Variants in CDC42SE2 observed in about 807,000 individuals in gnomAD.
The protein encoded by CDC42SE2 is CDC42 small effector protein 2.
Under a neutral mutation model 11.5 loss-of-function variants are expected in CDC42SE2, and 3 were observed. The ratio of observed to expected loss-of-function variants is 0.26; its 90% CI spans 0.12 to 0.67. CDC42SE2 has a LOEUF of 0.67. CDC42SE2 is among the 30% of genes least tolerant of loss of function. CDC42SE2 has a pLI of 0.80. For missense variants in CDC42SE2, 82 were observed against 106.8 expected (o/e 0.77, Z 1.02); for synonymous variants, 33 against 34.8 (o/e 0.95, Z 0.18).
the CDC42SE2 span, among the ~76,000 whole-genome samples, chr5:131,211,847 G>A: frequency 2.0e-5 from 3 of 151,732 alleles, no homozygotes; most frequent in Non-Finnish European, 2.9e-5. Flanking sequence ...AGCCGGGCTC[G>A]GTGGCACGTG....
At chr5:131,258,267 C>T (rs1312514178) in intron 2 of CDC42SE2, among the ~76,000 whole-genome samples, 1 of 151,994 alleles carries the variant, frequency 6.6e-6, no homozygotes, top group East Asian at 1.9e-4. Flanking sequence ...GCTTTATCAC[C>T]ATTATTGTTT....
rs181072851 is a variant in CDC42SE2 at position 131,277,547 on chromosome 5, A to G, written c.-455+13381A>G. Among the ~76,000 whole-genome samples the G allele has an allele frequency of 1.1e-4, 17 of 152,304 alleles. 1 individual carries two copies. Among genetic ancestry groups the G allele is most frequent in the East Asian group, 9.6e-4 (5 of 5,196 alleles). ...TACTCACCCAGAAAATACAAACTCA[A>G]CAGTCTGTACATAATTTGGCCCTAA... On this transcript the variant is annotated intron_variant, in intron 1 of 4. Coordinates refer to ENST00000505065, the MANE Select transcript of CDC42SE2 (RefSeq NM_001375635.1).
chr5:131,277,450 T>C (rs1387884637), intron 1 of CDC42SE2, among the ~76,000 whole-genome samples: 1 of 152,254 alleles, frequency 6.6e-6, no homozygotes, highest in Non-Finnish European at 1.5e-5. Context: ...CCTTCATTTA[T>C]TCCATTCAGT....
At chr5:131,295,716 T>G (rs1757557421) in intron 1 of CDC42SE2, among the ~76,000 whole-genome samples, 1 of 150,382 alleles carries the variant, frequency 6.6e-6, no homozygotes, top group Non-Finnish European at 1.5e-5. Flanking sequence ...AGAGTCTTGC[T>G]CTGTCACCCA....
At chr5:131,243,646 G>A (rs1756557663), upstream of CDC42SE2, among the ~76,000 whole-genome samples, 1 of 152,108 alleles carries the variant, frequency 6.6e-6, no homozygotes, top group Non-Finnish European at 1.5e-5. Context: ...TTTTGCACAG[G>A]GCCCTACAAA....
the CDC42SE2 span, among the ~76,000 whole-genome samples, chr5:131,213,416 T>C: frequency 7.2e-5 from 11 of 152,268 alleles, no homozygotes; most frequent in African/African-American, 2.4e-4. Flanking sequence ...GAATTCCAGA[T>C]ACCAATTATT....
At chr5:131,371,694 G>C (rs1002605911) in intron 3 of CDC42SE2, among the ~76,000 whole-genome samples, 1 of 152,226 alleles carries the variant, frequency 6.6e-6, no homozygotes, top group Non-Finnish European at 1.5e-5. Flanking sequence ...CAGTGAATTA[G>C]TGGCAGAGCC....
At chr5:131,239,916 T>TA in the CDC42SE2 span, among the ~76,000 whole-genome samples, 8 of 152,228 alleles carry the variant, frequency 5.3e-5, no homozygotes, top group African/African-American at 1.9e-4. Context: ...ACTCCTTCAT[T>TA]AGATCATTGC....
chr5:131,291,963 G>A (rs1757465497), intron 1 of CDC42SE2, among the ~76,000 whole-genome samples: 2 of 152,082 alleles, frequency 1.3e-5, no homozygotes, highest in Non-Finnish European at 2.9e-5. Flanking sequence ...AGTATCTTTG[G>A]CTGGGTGTGG....
At chr5:131,237,841 C>T in the CDC42SE2 span, among the ~76,000 whole-genome samples, 1 of 152,194 alleles carries the variant, frequency 6.6e-6, no homozygotes, top group Non-Finnish European at 1.5e-5. Flanking sequence ...ATCCTCCTGC[C>T]TTGGCCCCCC....
At chr5:131,385,399 A>G (rs1750451664) in intron 3 of CDC42SE2, 144 bp from the exon 4 acceptor site, 2 of 549,090 alleles carry the variant, frequency 3.6e-6, no homozygotes, top group Non-Finnish European at 3.3e-6. Flanking sequence ...TGGGGATTTC[A>G]TCATAAGAAG....
At chr5:131,237,081 A>G in the CDC42SE2 span, among the ~76,000 whole-genome samples, 1 of 152,238 alleles carries the variant, frequency 6.6e-6, no homozygotes, top group East Asian at 1.9e-4. Context: ...GACAGCAGGG[A>G]TCACCTCATT....
upstream of CDC42SE2, among the ~76,000 whole-genome samples, chr5:131,262,167 G>GTTT (rs111700927): frequency 6.9e-6 from 1 of 144,372 alleles, no homozygotes; most frequent in African/African-American, 2.5e-5. Context: ...GAATTTTCTG[G>GTTT]TTTTTTTTTT....
chr5:131,370,958 G>C (rs1580783962), intron 3 of CDC42SE2, among the ~76,000 whole-genome samples: 1 of 152,136 alleles, frequency 6.6e-6, no homozygotes, highest in East Asian at 1.9e-4. Flanking sequence ...AGGAATACTG[G>C]TAAGGAACTC....
At chr5:131,334,890 A>G (rs187656605) in intron 2 of CDC42SE2, among the ~76,000 whole-genome samples, 10 of 151,958 alleles carry the variant, frequency 6.6e-5, no homozygotes, top group South Asian at 4.2e-4. Flanking sequence ...CGGTCTATCA[A>G]TTTTGTTGAT....
intron 3 of CDC42SE2, among the ~76,000 whole-genome samples, chr5:131,361,060 A>G (rs1561598690): frequency 7.1e-6 from 1 of 141,104 alleles, no homozygotes; most frequent in African/African-American, 2.6e-5. Context: ...TAAATCTTAG[A>G]GTTTGTTTGT....
intron 2 of CDC42SE2, among the ~76,000 whole-genome samples, chr5:131,317,683 C>T (rs1758069761): frequency 1.3e-5 from 2 of 149,298 alleles, no homozygotes; most frequent in Non-Finnish European, 3.0e-5. Flanking sequence ...TCTTTTAAAT[C>T]TTGTTATTAT....
At chr5:131,369,532 C>A (rs570512467) in intron 3 of CDC42SE2, among the ~76,000 whole-genome samples, 99 of 152,288 alleles carry the variant, frequency 6.5e-4, no homozygotes, top group African/African-American at 2.3e-3. Context: ...TACATTCCCA[C>A]CAGCTGTTTG....
At chr5:131,300,918 T>C (rs1757665219) in intron 1 of CDC42SE2, among the ~76,000 whole-genome samples, 1 of 152,234 alleles carries the variant, frequency 6.6e-6, no homozygotes, top group Non-Finnish European at 1.5e-5. Flanking sequence ...AGCTATGATA[T>C]GTCAAGCATT....
Sources: allele counts gnomAD v4.1 joint callset (sites outside exome capture counted in the v4.1 genomes callset), GRCh38; gene constraint gnomAD v4.1.1; transcripts MANE v1.5; gene names NCBI Gene and HGNC (gene_info 2026-07-23, HGNC 2026-07-21).